Variants in B4GALT6 observed in about 807,000 individuals in gnomAD.
B4GALT6 encodes beta-1,4-galactosyltransferase 6.
In B4GALT6, 14 loss-of-function variants were observed where a neutral mutation model predicts 46.3. The observed-to-expected ratio is 0.30, with a 90% CI of 0.20 to 0.47. The LOEUF is 0.47. Ranked by LOEUF, B4GALT6 falls within the 20% of genes least tolerant of loss-of-function variation. The probability of loss-of-function intolerance (pLI) is 0.99; values close to 1 mark genes in which losing one functional copy is unlikely to be tolerated. For missense variants in B4GALT6, 386 were observed against 480.1 expected, an observed-to-expected ratio of 0.80 and a Z score of 1.83; for synonymous variants, 168 against 162.0, an observed-to-expected ratio of 1.04 and a Z score of -0.28.
intron 3 of B4GALT6, among the ~76,000 whole-genome samples, chr18:31,656,875 G>C (rs140925121): frequency 6.6e-6 from 1 of 152,178 alleles, no homozygotes; most frequent in Non-Finnish European, 1.5e-5. Flanking sequence ...TAAAGCCCAT[G>C]ATGCAGCAAG....
rs564114768 is a variant in B4GALT6 at position 31,635,881 on chromosome 18, A to G, written c.588+2763T>C. Among the ~76,000 whole-genome samples, 5 of 152,230 alleles carry G rather than the reference A, an allele frequency of 3.3e-5. No individual in the cohort carries two copies. The South Asian group carries it at 1.0e-3, about 32-fold the overall frequency. On this transcript the variant is annotated intron_variant, in intron 5 of 8. Transcript: ENST00000306851. ...GAAGATAAAAGTATCTAATAATACAAGCCAGGTAACTTTGTCTATCATTTA... is the reference window on the plus strand; with the variant it reads ...GAAGATAAAAGTATCTAATAATACAGGCCAGGTAACTTTGTCTATCATTTA...
upstream of B4GALT6, chr18:31,684,711 G>T (rs976195204): frequency 5.2e-6 from 6 of 1,155,388 alleles, no homozygotes; most frequent in Non-Finnish European, 6.5e-6. Flanking sequence ...ACGGCAGGAC[G>T]GAAGAAAGCC....
the B4GALT6 span, among the ~76,000 whole-genome samples, chr18:31,705,276 A>G: frequency 6.6e-6 from 1 of 152,260 alleles, no homozygotes; most frequent in African/African-American, 2.4e-5. Context: ...AAACTTGAAT[A>G]TAAGGCAAGG....
At chr18:31,722,456 C>T in the B4GALT6 span, among the ~76,000 whole-genome samples, 17 of 152,244 alleles carry the variant, frequency 1.1e-4, no homozygotes, top group African/African-American at 3.9e-4. Flanking sequence ...AAAGGCACAC[C>T]ACATAACATT....
upstream of B4GALT6, among the ~76,000 whole-genome samples, chr18:31,688,194 A>C (rs2144773234): frequency 6.6e-6 from 1 of 151,210 alleles, no homozygotes; most frequent in Admixed American, 6.6e-5. Context: ...AGATCATATA[A>C]AAGACATTGG....
intron 5 of B4GALT6, among the ~76,000 whole-genome samples, chr18:31,631,665 T>C (rs2073793485): frequency 6.6e-6 from 1 of 152,104 alleles, no homozygotes; most frequent in Admixed American, 6.5e-5. Flanking sequence ...TTAGTGGAGC[T>C]TTCCATATGC....
chr18:31,702,998 C>T, the B4GALT6 span, among the ~76,000 whole-genome samples: 1 of 152,128 alleles, frequency 6.6e-6, no homozygotes, highest in Non-Finnish European at 1.5e-5. Context: ...AGGGCCTTTG[C>T]AGTATGGGAT....
intron 1 of B4GALT6, among the ~76,000 whole-genome samples, chr18:31,682,411 T>C (rs186983256): frequency 7.2e-5 from 11 of 152,334 alleles, no homozygotes; most frequent in African/African-American, 2.6e-4. Flanking sequence ...TAATAACTTA[T>C]TATCATTTAT....
Position 31,631,048 on chromosome 18 carries a change from C to A in B4GALT6, c.687G>T (p.Val229=). Residue 229 remains valine, a synonymous_variant, in exon 6 of 9, where the codon GTG becomes GTT. Coordinates refer to ENST00000306851, the MANE Select transcript of B4GALT6 (RefSeq NM_004775.5). ...TCCGGTCATTTTCAGGTAGATGATC[C>A]ACATCGTGGAAGATTACACAGTCCC... ...SVWDCVIFHD[V]DHLPENDRNY... is the part of the protein sequence containing the mutation. 1 of 1,614,122 alleles carries A rather than the reference C, an allele frequency of 6.2e-7. No homozygotes were observed. Among genetic ancestry groups the A allele is most frequent in the Non-Finnish European group, 8.5e-7 (1 of 1,180,038 alleles).
At chr18:31,720,552 G>C in the B4GALT6 span, among the ~76,000 whole-genome samples, 2 of 152,262 alleles carry the variant, frequency 1.3e-5, no homozygotes, top group Non-Finnish European at 2.9e-5. Flanking sequence ...CAAAAGGACT[G>C]ACGCCCACCC....
intron 3 of B4GALT6, among the ~76,000 whole-genome samples, chr18:31,650,820 G>C (rs965044383): frequency 1.3e-5 from 2 of 152,092 alleles, no homozygotes; most frequent in Non-Finnish European, 2.9e-5. Flanking sequence ...CCAGGCTGGA[G>C]TGCAGTGGCG....
intron 1 of B4GALT6, among the ~76,000 whole-genome samples, chr18:31,678,713 G>A (rs1043159008): frequency 7.2e-5 from 11 of 152,204 alleles, no homozygotes; most frequent in Admixed American, 2.6e-4. Flanking sequence ...TATGGACAAC[G>A]CGGTGGGCTC....
chr18:31,692,266 T>A, the B4GALT6 span, among the ~76,000 whole-genome samples: 1 of 152,184 alleles, frequency 6.6e-6, no homozygotes, highest in East Asian at 1.9e-4. Flanking sequence ...CTACTCAGAT[T>A]TAAGAGATGC....
chr18:31,639,676 A>G (rs2073905872), intron 4 of B4GALT6, among the ~76,000 whole-genome samples: 1 of 152,230 alleles, frequency 6.6e-6, no homozygotes, highest in South Asian at 2.1e-4. Flanking sequence ...TCAACCAGAG[A>G]AATTTGTTCT....
intron 5 of B4GALT6, among the ~76,000 whole-genome samples, chr18:31,634,888 G>A (rs1368252964): frequency 1.3e-5 from 2 of 152,186 alleles, no homozygotes; most frequent in East Asian, 1.9e-4. Flanking sequence ...TAGTTGCCTT[G>A]CAAAGATTGT....
intron 1 of B4GALT6, among the ~76,000 whole-genome samples, chr18:31,668,059 T>G (rs888229427): frequency 6.8e-6 from 1 of 146,896 alleles, no homozygotes; most frequent in African/African-American, 2.5e-5. Flanking sequence ...ACTGCGCCAC[T>G]GCACTCCAGC....
intron 4 of B4GALT6, 52 bp from the exon 5 acceptor site, chr18:31,638,812 G>A: frequency 7.1e-7 from 1 of 1,408,702 alleles, no homozygotes. Flanking sequence ...CCACATCCTA[G>A]AGGTAAGGAT....
At chr18:31,626,183 C>A in intron 8 of B4GALT6, 100 bp downstream of exon 8, 1 of 621,968 alleles carries the variant, frequency 1.6e-6, no homozygotes, top group Non-Finnish European at 2.7e-6. Context: ...TATGAAAATT[C>A]CCTTCAGCAG....
At position 31,683,349 on chromosome 18, in the gene B4GALT6, A is replaced by T. The variant is rs12456785; in HGVS notation, c.115+963T>A. 5.9e-3 allele frequency among the ~76,000 whole-genome samples: 906 copies of T among 152,336 alleles called. 34 individuals are homozygous for T. Among genetic ancestry groups the T allele is most frequent in the Admixed American group, 0.045 (690 of 15,296 alleles). On this transcript the variant is annotated intron_variant, in intron 1 of 8. Coordinates refer to ENST00000306851, the MANE Select transcript of B4GALT6 (RefSeq NM_004775.5). ...AAAGAGCACTGGCTCAAACGACCAC[A>T]GTGTGTAAGGAGAAATGAGAGGAGA...
Sources: gnomAD v4.1 joint callset for allele counts (sites outside exome capture counted in the v4.1 genomes callset) on GRCh38, gnomAD v4.1.1 for gene constraint, MANE v1.5 for transcripts, NCBI Gene and HGNC (gene_info 2026-07-23, HGNC 2026-07-21) for gene names.